Variants in ASTN2 observed in about 807,000 individuals in gnomAD.
ASTN2 encodes the protein astrotactin 2, also known as astrotactin-2.
Under a neutral mutation model 139.8 loss-of-function variants are expected in ASTN2, and 54 were observed. The observed-to-expected ratio is 0.39, with a 90% CI of 0.31 to 0.48. ASTN2 has a LOEUF of 0.48. Ranked by LOEUF, ASTN2 falls within the 20% of genes least tolerant of loss-of-function variation. The pLI, the probability that ASTN2 is intolerant of heterozygous loss-of-function variation, is 0.95. For missense variants in ASTN2, 1,565 were observed against 1,725.1 expected, an observed-to-expected ratio of 0.91 and a Z score of 1.64; for synonymous variants, 756 against 719.5, an observed-to-expected ratio of 1.05 and a Z score of -0.81.
At chr9:116,527,513 G>A (rs1298284912) in intron 19 of ASTN2, among the ~76,000 whole-genome samples, 1 of 152,140 alleles carries the variant, frequency 6.6e-6, no homozygotes, top group Non-Finnish European at 1.5e-5. Context: ...CTATCAAAAA[G>A]ATGAAAAGTA....
intron 11 of ASTN2, among the ~76,000 whole-genome samples, chr9:116,825,250 G>A (rs1831594669): frequency 6.6e-6 from 1 of 152,154 alleles, no homozygotes; most frequent in South Asian, 2.1e-4. Context: ...CTCAGAGACA[G>A]CCTCAGGTTC....
chr9:116,661,892 T>G (rs1257926386), intron 16 of ASTN2, among the ~76,000 whole-genome samples: 1 of 151,522 alleles, frequency 6.6e-6, no homozygotes, highest in Non-Finnish European at 1.5e-5. Flanking sequence ...AGGGATAAAA[T>G]TAGGAAATAT....
At chr9:117,255,920 T>C (rs1414784792) in intron 2 of ASTN2, among the ~76,000 whole-genome samples, 1 of 152,152 alleles carries the variant, frequency 6.6e-6, no homozygotes, top group Non-Finnish European at 1.5e-5. Context: ...AGGTACAACT[T>C]ATGGCAGGAA....
chr9:117,256,017 A>G (rs1833676991), intron 2 of ASTN2, among the ~76,000 whole-genome samples: 2 of 152,222 alleles, frequency 1.3e-5, no homozygotes, highest in Admixed American at 1.3e-4. Flanking sequence ...TGATGTCCAC[A>G]AGAATAAAAT....
chr9:116,457,112 T>A (rs1588077251), intron 20 of ASTN2, among the ~76,000 whole-genome samples: 1 of 152,344 alleles, frequency 6.6e-6, no homozygotes, highest in Middle Eastern at 3.4e-3. Flanking sequence ...AGGAACAGTC[T>A]CTTCAGTAAA....
At chr9:116,456,681 A>G (rs1295402620) in intron 20 of ASTN2, among the ~76,000 whole-genome samples, 1 of 152,164 alleles carries the variant, frequency 6.6e-6, no homozygotes, top group Admixed American at 6.5e-5. Context: ...AAAATGATCA[A>G]ATCTTGTGAG....
At chr9:116,554,458 C>T (rs979156592) in intron 19 of ASTN2, among the ~76,000 whole-genome samples, 10 of 152,134 alleles carry the variant, frequency 6.6e-5, no homozygotes, top group Admixed American at 4.6e-4. Flanking sequence ...ATGGTATTTA[C>T]GAAAGTGTGG....
intron 1 of ASTN2, among the ~76,000 whole-genome samples, chr9:117,378,951 T>A (rs1478015316): frequency 6.6e-6 from 1 of 152,056 alleles, no homozygotes; most frequent in African/African-American, 2.4e-5. Context: ...GATCTGGTTG[T>A]TTAAAAGTAT....
intron 10 of ASTN2, among the ~76,000 whole-genome samples, chr9:116,960,969 T>G (rs2132502893): frequency 6.6e-6 from 1 of 151,942 alleles, no homozygotes; most frequent in East Asian, 2.0e-4. Context: ...TACAGTTAAC[T>G]CAGTCCGGTC....
At chr9:116,629,832 C>T (rs1403655734) in intron 17 of ASTN2, among the ~76,000 whole-genome samples, 5 of 152,050 alleles carry the variant, frequency 3.3e-5, no homozygotes, top group Non-Finnish European at 7.4e-5. Flanking sequence ...CTTACCTCTG[C>T]TAATGAAAAA....
chr9:117,091,677 C>T (rs570408427), intron 5 of ASTN2, among the ~76,000 whole-genome samples: 163 of 151,514 alleles, frequency 1.1e-3, no homozygotes, highest in Middle Eastern at 3.4e-3. Flanking sequence ...GAAGAGGCCC[C>T]GGGGGAGAGG....
At chr9:116,744,981 G>T (rs897479206) in intron 13 of ASTN2, among the ~76,000 whole-genome samples, 4 of 152,106 alleles carry the variant, frequency 2.6e-5, no homozygotes, top group African/African-American at 7.2e-5. Flanking sequence ...ACTGCAATTT[G>T]CTCCCTAGCA....
chr9:116,500,580 T>C (rs1025490322), intron 19 of ASTN2, among the ~76,000 whole-genome samples: 1 of 152,184 alleles, frequency 6.6e-6, no homozygotes, highest in Non-Finnish European at 1.5e-5. Flanking sequence ...CATGCTGATA[T>C]CAAATCTCCT....
chr9:117,414,966 G>A lies in ASTN2; in HGVS notation c.-28C>T, dbSNP rs1439968487. On this transcript the variant is annotated 5_prime_UTR_variant, in exon 1 of 23. Transcript: ENST00000313400. This position sits in a 1 kb window ranked among gnomAD's most constrained non-coding sequence, Gnocchi z 4.2. ...CGGGAGGGGCTGCGGTGCTGCGGGC[G>A]GCGGCGGCGGTGGCGGCGGTGGCGA... is the stretch of plus-strand genomic sequence containing the variant. The A allele has an allele frequency of 8.4e-6, 2 of 238,710 alleles. No individual in the cohort carries two copies. Among genetic ancestry groups the A allele is most frequent in the African/African-American group, 2.3e-5 (1 of 42,574 alleles). 14.8% of individuals were successfully genotyped at this position (238,710 alleles called of 1,614,324 possible). A position where few individuals can be genotyped will look rare whatever the true frequency, so the allele number is the denominator to read the frequency against.
chr9:116,649,949 A>G (rs572993180), intron 17 of ASTN2, among the ~76,000 whole-genome samples: 3 of 152,286 alleles, frequency 2.0e-5, no homozygotes, highest in Admixed American at 2.0e-4. Flanking sequence ...TGGTCTTTGT[A>G]CAAACAATGT....
At chr9:116,615,280 A>G (rs935428247) in intron 19 of ASTN2, among the ~76,000 whole-genome samples, 1 of 152,160 alleles carries the variant, frequency 6.6e-6, no homozygotes, top group Non-Finnish European at 1.5e-5. Flanking sequence ...GTTGGTGGGA[A>G]CGTAAACTAG....
intron 1 of ASTN2, among the ~76,000 whole-genome samples, chr9:117,342,671 C>T (rs1240527333): frequency 6.6e-6 from 1 of 152,202 alleles, no homozygotes; most frequent in African/African-American, 2.4e-5. Flanking sequence ...GGGAGACTGA[C>T]TTAACACGCA....
chr9:116,431,231 C>A (rs778006674), intron 22 of ASTN2, among the ~76,000 whole-genome samples: 1 of 152,132 alleles, frequency 6.6e-6, no homozygotes, highest in Non-Finnish European at 1.5e-5. Context: ...TCTAAGGGGA[C>A]CCTGAAATGG....
intron 1 of ASTN2, among the ~76,000 whole-genome samples, chr9:117,360,315 T>C (rs559998118): frequency 6.6e-6 from 1 of 151,882 alleles, no homozygotes; most frequent in Non-Finnish European, 1.5e-5. Context: ...GAGGGTGAAG[T>C]GTAATGTGGA....
Sources: allele counts gnomAD v4.1 joint callset (sites outside exome capture counted in the v4.1 genomes callset), GRCh38; gene constraint gnomAD v4.1.1; non-coding constraint Gnocchi (gnomAD v3.1); transcripts MANE v1.5; gene names NCBI Gene and HGNC (gene_info 2026-07-23, HGNC 2026-07-21).